ENTREP2: variants seen among roughly 807,000 people sequenced by gnomAD.
ENTREP2 encodes the protein endosomal transmembrane epsin interactor 2.
chr15:29,161,898 A>T, the ENTREP2 span, among the ~76,000 whole-genome samples: 39,267 of 152,002 alleles, frequency 0.26, 5,422 homozygotes, highest in Non-Finnish European at 0.31. Flanking sequence ...CGACTGCAAG[A>T]ACAAACCAGC....
chr15:29,151,737 C>G, the ENTREP2 span: 2 of 1,551,180 alleles, frequency 1.3e-6, no homozygotes, highest in Non-Finnish European at 1.7e-6. Flanking sequence ...CACTCACCAT[C>G]TGCAGGACAT....
At chr15:29,616,953 C>T in the ENTREP2 span, among the ~76,000 whole-genome samples, 24 of 152,070 alleles carry the variant, frequency 1.6e-4, 1 homozygote, top group Non-Finnish European at 2.6e-4. Context: ...TCAGCTACTC[C>T]GGAGGCTGAG....
At chr15:29,326,429 GA>G in the ENTREP2 span, among the ~76,000 whole-genome samples, 1 of 151,996 alleles carries the variant, frequency 6.6e-6, no homozygotes, top group African/African-American at 2.4e-5. Flanking sequence ...TTCCAGCAAT[GA>G]AAAATTGGAA....
At chr15:29,447,718 G>A in the ENTREP2 span, among the ~76,000 whole-genome samples, 21 of 150,180 alleles carry the variant, frequency 1.4e-4, no homozygotes, top group Non-Finnish European at 2.8e-4. Flanking sequence ...TCGAACTCCT[G>A]GGCACAAGTG....
chr15:29,598,140 A>G, the ENTREP2 span, among the ~76,000 whole-genome samples: 23 of 151,890 alleles, frequency 1.5e-4, 1 homozygote, highest in Admixed American at 1.2e-3. Flanking sequence ...AAAGAAAAAG[A>G]CTAGGTTTAG....
At chr15:29,236,411 T>C in the ENTREP2 span, among the ~76,000 whole-genome samples, 6 of 151,992 alleles carry the variant, frequency 3.9e-5, no homozygotes, top group Non-Finnish European at 7.4e-5. Flanking sequence ...TTTTGGAGGC[T>C]GAGATGGGAG....
chr15:29,661,918 T>C, the ENTREP2 span, among the ~76,000 whole-genome samples: 13 of 152,162 alleles, frequency 8.5e-5, no homozygotes, highest in East Asian at 2.5e-3. Flanking sequence ...ACTATTTACT[T>C]AAAGAAAATG....
At chr15:29,504,978 T>C in the ENTREP2 span, among the ~76,000 whole-genome samples, 1 of 152,216 alleles carries the variant, frequency 6.6e-6, no homozygotes, top group South Asian at 2.1e-4. Flanking sequence ...GATACAAGGA[T>C]GTACAATGCC....
chr15:29,504,524 C>A, the ENTREP2 span, among the ~76,000 whole-genome samples: 1 of 152,194 alleles, frequency 6.6e-6, no homozygotes, highest in African/African-American at 2.4e-5. Flanking sequence ...GAAAAGGACA[C>A]GAGAGACTGT....
chr15:29,516,267 T>C, the ENTREP2 span, among the ~76,000 whole-genome samples: 1,787 of 152,274 alleles, frequency 0.012, 30 homozygotes, highest in African/African-American at 0.041. Flanking sequence ...CACAGTCAGA[T>C]ACATGGATGG....
chr15:29,514,632 T>C, the ENTREP2 span, among the ~76,000 whole-genome samples: 1 of 152,166 alleles, frequency 6.6e-6, no homozygotes, highest in Admixed American at 6.6e-5. Flanking sequence ...GTCCACCTTC[T>C]CTGTAGGGGG....
At chr15:29,489,900 G>T in the ENTREP2 span, among the ~76,000 whole-genome samples, 91 of 152,344 alleles carry the variant, frequency 6.0e-4, no homozygotes, top group Non-Finnish European at 1.0e-3. Flanking sequence ...GATGCATCCT[G>T]AAGTTTTGCT....
the ENTREP2 span, among the ~76,000 whole-genome samples, chr15:29,423,926 A>C: frequency 1.3e-5 from 2 of 152,196 alleles, no homozygotes; most frequent in African/African-American, 4.8e-5. Flanking sequence ...AATGGGAAAA[A>C]AAATGAGGCT....
the ENTREP2 span, among the ~76,000 whole-genome samples, chr15:29,596,136 T>C: frequency 6.6e-6 from 1 of 152,140 alleles, no homozygotes; most frequent in African/African-American, 2.4e-5. Flanking sequence ...GCAAAATATA[T>C]TAGGTTTGTG....
At chr15:29,369,608 CA>C in the ENTREP2 span, among the ~76,000 whole-genome samples, 3 of 152,132 alleles carry the variant, frequency 2.0e-5, no homozygotes, top group African/African-American at 7.2e-5. Flanking sequence ...CACACACACA[CA>C]CACACACCCA....
At chr15:29,309,060 C>T in the ENTREP2 span, among the ~76,000 whole-genome samples, 1 of 152,166 alleles carries the variant, frequency 6.6e-6, no homozygotes, top group Non-Finnish European at 1.5e-5. Flanking sequence ...TCCTGAGTCA[C>T]ATAAAACATA....
chr15:29,478,020 T>TATATA, the ENTREP2 span, among the ~76,000 whole-genome samples: 57 of 37,716 alleles, frequency 1.5e-3, no homozygotes, highest in African/African-American at 9.6e-3. Flanking sequence ...TATATATATA[T>TATATA]TTTTTTTTTT....
the ENTREP2 span, among the ~76,000 whole-genome samples, chr15:29,388,445 A>G: frequency 6.6e-6 from 1 of 152,236 alleles, no homozygotes; most frequent in Admixed American, 6.5e-5. Context: ...TAGAATGGCC[A>G]TAATTAAAAA....
chr15:29,134,894 T>A, the ENTREP2 span, among the ~76,000 whole-genome samples: 3 of 152,096 alleles, frequency 2.0e-5, no homozygotes, highest in South Asian at 6.2e-4. Context: ...TGCTAGGGTG[T>A]CTTTACAGGA....
Sources: allele counts gnomAD v4.1 joint callset (sites outside exome capture counted in the v4.1 genomes callset), GRCh38; gene constraint gnomAD v4.1.1; transcripts MANE v1.5; gene names NCBI Gene and HGNC (gene_info 2026-07-23, HGNC 2026-07-21).